Variants in ANKRD26 observed in about 807,000 individuals in gnomAD.
The protein encoded by ANKRD26 is ankyrin repeat domain 26.
A neutral mutation model predicts 208.7 loss-of-function variants in ANKRD26; 141 were observed. That is an observed-to-expected ratio of 0.68 (90% CI 0.59 to 0.78). The LOEUF (loss-of-function observed/expected upper bound fraction) is 0.78, where lower values mean the gene tolerates loss of function less well. ANKRD26 is among the 30% of genes least tolerant of loss of function. ANKRD26 has a pLI of 0.00. For synonymous variants in ANKRD26, 636 were observed against 660.4 expected, an observed-to-expected ratio of 0.96 and a Z score of 0.57; for missense variants, 1,889 against 1,938.7, an observed-to-expected ratio of 0.97 and a Z score of 0.48.
At chr10:26,949,989 A>G in the ANKRD26 span, among the ~76,000 whole-genome samples, 1 of 152,130 alleles carries the variant, frequency 6.6e-6, no homozygotes, top group Non-Finnish European at 1.5e-5. Context: ...ATCCTGTGGT[A>G]TTTCAGCATT....
intron 9 of ANKRD26, 30 bp downstream of exon 9, chr10:27,077,308 A>C (rs1289026717): frequency 1.3e-6 from 2 of 1,547,260 alleles, no homozygotes; most frequent in African/African-American, 2.7e-5. Context: ...GGAAGGGTAC[A>C]TGAAAAAAGT....
chr10:27,005,669 TC>T lies in ANKRD26; in HGVS notation c.5053del (p.Glu1685SerfsTer4). On this transcript the variant is annotated frameshift_variant, in exon 34 of 34. Coordinates refer to ENST00000376087, the MANE Select transcript of ANKRD26 (RefSeq NM_014915.3). LOFTEE classifies it low-confidence loss of function (END_TRUNC). ...SIASPLGSTDESNLNQDLVWK... is the reference protein window; with the variant it reads ...SIASPLGSTDXSNLNQDLVWK... ...AACTAGATCTTGATTTAGATTTGAC[TC>T]ATCAGTAGACCCTAGAGGGGAAGCT... 1.7e-5 allele frequency: 28 copies of T among 1,613,086 alleles called. No individual in the cohort carries two copies. The highest frequency in any genetic ancestry group is 2.3e-5 in the Non-Finnish European group (27 of 1,179,462).
intron 16 of ANKRD26, among the ~76,000 whole-genome samples, chr10:27,050,219 CAAAAAAAAAAAAAAAAA>C (rs67384671): frequency 3.0e-5 from 1 of 33,036 alleles, no homozygotes; most frequent in Non-Finnish European, 5.9e-5. Context: ...GAATCTGTCT[CAAAAAAAAAAAAAAAAA>C]AAAAAAAAAA....
chr10:26,972,234 C>CAA (rs749010461), downstream of ANKRD26, among the ~76,000 whole-genome samples: 4 of 60,984 alleles, frequency 6.6e-5, no homozygotes, highest in East Asian at 5.0e-4. Flanking sequence ...GACTCCGTCT[C>CAA]AAAAAAAAAA....
downstream of ANKRD26, among the ~76,000 whole-genome samples, chr10:26,969,331 C>A (rs1278256293): frequency 6.6e-6 from 1 of 152,196 alleles, no homozygotes. Flanking sequence ...TGAGTGATAA[C>A]TACACGGTTT....
intron 17 of ANKRD26, among the ~76,000 whole-genome samples, chr10:27,047,552 C>T (rs1485917505): frequency 6.6e-6 from 1 of 151,704 alleles, no homozygotes; most frequent in African/African-American, 2.4e-5. Flanking sequence ...GCCCAGGAGA[C>T]AGAGGTTGCA....
intron 13 of ANKRD26, among the ~76,000 whole-genome samples, 172 bp from the exon 14 acceptor site, chr10:27,060,712 T>C (rs1025608242): frequency 4.6e-5 from 7 of 152,176 alleles, no homozygotes; most frequent in African/African-American, 1.4e-4. Flanking sequence ...AGAAGTATAC[T>C]GGAGAAAAAA....
At chr10:27,061,012 G>T in intron 13 of ANKRD26, 132 bp downstream of exon 13, 1 of 727,950 alleles carries the variant, frequency 1.4e-6, no homozygotes, top group Non-Finnish European at 2.4e-6. Context: ...AATTTAGGAA[G>T]CACACAGTTA....
chr10:27,097,366 C>T (rs1365627788), intron 1 of ANKRD26, among the ~76,000 whole-genome samples: 1 of 150,706 alleles, frequency 6.6e-6, no homozygotes, highest in East Asian at 1.9e-4. Flanking sequence ...GAGACTGAGG[C>T]AGGAGAATCG....
intron 15 of ANKRD26, among the ~76,000 whole-genome samples, chr10:27,054,764 C>T (rs2135398792): frequency 6.6e-6 from 1 of 152,222 alleles, no homozygotes; most frequent in East Asian, 1.9e-4. Context: ...AAAATACAAG[C>T]ACCAGAGAAG....
the ANKRD26 span, among the ~76,000 whole-genome samples, chr10:26,951,670 A>G: frequency 6.6e-6 from 1 of 152,144 alleles, no homozygotes; most frequent in Non-Finnish European, 1.5e-5. Context: ...TGTCTTTTCC[A>G]TTCATATATT....
rs1049207618 is a variant in ANKRD26, at chr10:26,978,216, C to T, written c.*282-2174G>A. On this transcript the variant is annotated intron_variant and NMD_transcript_variant, in intron 5 of 5. Coordinates refer to the ANKRD26 transcript ENST00000674670. ...CTGTAATCCCAGCACTTTGGGAGGC[C>T]GAGGTGGGTGGATCACCTGACGTCA... 7.2e-5 allele frequency among the ~76,000 whole-genome samples: 11 copies of T among 152,030 alleles called. No individual in the cohort carries two copies. In the East Asian group the frequency reaches 2.0e-3, roughly 27 times the overall value.
At chr10:27,006,227 G>A (rs140693196) in intron 33 of ANKRD26, among the ~76,000 whole-genome samples, 14 of 152,276 alleles carry the variant, frequency 9.2e-5, no homozygotes, top group African/African-American at 1.4e-4. Context: ...TATGCCAGAC[G>A]GAAGGAAGAA....
chr10:27,046,802 T>C (rs567131949), intron 17 of ANKRD26, among the ~76,000 whole-genome samples: 40 of 152,188 alleles, frequency 2.6e-4, no homozygotes, highest in African/African-American at 8.7e-4. Flanking sequence ...ACCATTATGA[T>C]AAAATGTGAT....
At chr10:27,058,645 G>A (rs543659270) in intron 15 of ANKRD26, among the ~76,000 whole-genome samples, 4 of 150,906 alleles carry the variant, frequency 2.7e-5, no homozygotes, top group African/African-American at 9.8e-5. Context: ...GCGCCATCTC[G>A]GCTCACTGCA....
chr10:26,955,350 C>T, the ANKRD26 span, among the ~76,000 whole-genome samples: 2 of 151,772 alleles, frequency 1.3e-5, no homozygotes, highest in Non-Finnish European at 2.9e-5. Flanking sequence ...ATGGCTTGAA[C>T]CTAGGAGGCG....
intron 27 of ANKRD26, 59 bp downstream of exon 27, chr10:27,028,793 G>GTCC: frequency 7.3e-7 from 1 of 1,365,124 alleles, no homozygotes; most frequent in Non-Finnish European, 1.0e-6. Flanking sequence ...TACTCAACTT[G>GTCC]TCCTACTAAA....
chr10:27,016,215 C>A (rs1363318843), intron 30 of ANKRD26, among the ~76,000 whole-genome samples: 1 of 151,970 alleles, frequency 6.6e-6, no homozygotes, highest in African/African-American at 2.4e-5. Flanking sequence ...GTCTTGAACT[C>A]CTGGGCTCAA....
At chr10:26,968,196 T>G in the ANKRD26 span, among the ~76,000 whole-genome samples, 1 of 152,164 alleles carries the variant, frequency 6.6e-6, no homozygotes, top group Non-Finnish European at 1.5e-5. Flanking sequence ...ATACCAAACT[T>G]TCCATTCCAG....
Sources: allele counts gnomAD v4.1 joint callset (sites outside exome capture counted in the v4.1 genomes callset), GRCh38; gene constraint gnomAD v4.1.1; transcripts MANE v1.5; gene names NCBI Gene and HGNC (gene_info 2026-07-23, HGNC 2026-07-21).